The following RTN4R variants were observed in gnomAD, a reference collection of about 807,000 sequenced individuals.
The protein encoded by RTN4R is reticulon-4 receptor.
In RTN4R, 4 loss-of-function variants were observed where a neutral mutation model predicts 27.7. The ratio of observed to expected loss-of-function variants is 0.14; its 90% CI spans 0.07 to 0.33. The LOEUF (loss-of-function observed/expected upper bound fraction) is 0.33, where lower values mean the gene tolerates loss of function less well. Ranked by LOEUF, RTN4R falls within the 10% of genes least tolerant of loss-of-function variation. The pLI is 1.00. For missense variants in RTN4R, 554 were observed against 671.5 expected, an observed-to-expected ratio of 0.83 and a Z score of 1.93; for synonymous variants, 290 against 305.6, an observed-to-expected ratio of 0.95 and a Z score of 0.53.
At chr22:20,249,012 G>C in intron 1 of RTN4R, 3 of 447,340 alleles carry the variant, frequency 6.7e-6, no homozygotes, top group South Asian at 4.7e-5. Context: ...CCCAGTGGAG[G>C]CCTCGCCCAG....
intron 1 of RTN4R, among the ~76,000 whole-genome samples, chr22:20,263,365 C>G (rs1279968112): frequency 6.6e-6 from 1 of 152,208 alleles, no homozygotes; most frequent in Non-Finnish European, 1.5e-5. Flanking sequence ...TGCTGCCCAC[C>G]CCTCTCCAAA....
At position 20,259,874 on chromosome 22, in the gene RTN4R, G is replaced by T. The variant is rs543358442; in HGVS notation, c.22+8197C>A. The stretch of plus-strand genomic sequence containing the variant: ...GGGTAGAGCATGTCAAGAACCTCAA[G>T]GTCCCTGCCGCCCAGCATGGGACTA... On this transcript the variant is annotated intron_variant, in intron 1 of 1. Transcript: ENST00000043402. 1.3e-5 allele frequency among the ~76,000 whole-genome samples: 2 copies of T among 152,310 alleles called. 1 individual carries two copies. The highest frequency in any genetic ancestry group is 4.1e-4 in the South Asian group (2 of 4,830).
At chr22:20,252,773 C>G (rs930631200) in intron 1 of RTN4R, among the ~76,000 whole-genome samples, 4 of 152,112 alleles carry the variant, frequency 2.6e-5, no homozygotes, top group African/African-American at 9.7e-5. Context: ...TGAAAGTGGG[C>G]CCTGGGGTCT....
At chr22:20,244,661 T>C (rs1446988567) in intron 1 of RTN4R, among the ~76,000 whole-genome samples, 2 of 152,114 alleles carry the variant, frequency 1.3e-5, no homozygotes, top group African/African-American at 4.8e-5. Flanking sequence ...TTCTACACAC[T>C]CTTCCTAGGA....
In RTN4R at chr22:20,242,567, C is replaced by T; in HGVS notation, c.566G>A (p.Arg189His). 3 of 1,613,448 alleles carry T rather than the reference C, an allele frequency of 1.9e-6. No individual in the cohort carries two copies. The highest frequency in any genetic ancestry group is 1.1e-5 in the South Asian group (1 of 91,082). ...GGCGCGCTCGGGCACGCTGGAGATG[C>T]GGTTGCCGTGCAGGAAGAGGTGTGT... ...NLTHLFLHGNRISSVPERAFR... is the reference protein window; with the variant it reads ...NLTHLFLHGNHISSVPERAFR... The change falls in exon 2 of 2, where the codon CGC becomes CAC. Residue 189 changes from arginine (R) to histidine (H), a missense_variant. By Grantham distance (29) the Arg-to-His change is conservative (BLOSUM62 0). Around this residue, in one of 2 missense-constraint regions of RTN4R, gnomAD observed 413 missense variants for 542.3 expected, o/e 0.76. Coordinates refer to ENST00000043402, the MANE Select transcript of RTN4R (RefSeq NM_023004.6).
chr22:20,260,635 C>T lies in RTN4R; in HGVS notation c.22+7436G>A, dbSNP rs8140277. Among the ~76,000 whole-genome samples, 877 of 152,284 alleles carry T rather than the reference C, an allele frequency of 5.8e-3. 5 individuals carry two copies. Among genetic ancestry groups the T allele is most frequent in the African/African-American group, 0.019 (804 of 41,552 alleles). ...GGGCTTCTGGGGTAGGGGCCACGCC[C>T]GGGGGCAGGTGGCCCACCCTCCCAA... On this transcript the variant is annotated intron_variant, in intron 1 of 1. Coordinates refer to ENST00000043402, the MANE Select transcript of RTN4R (RefSeq NM_023004.6).
intron 1 of RTN4R, among the ~76,000 whole-genome samples, chr22:20,264,995 T>C (rs1162272450): frequency 6.6e-6 from 1 of 152,220 alleles, no homozygotes; most frequent in Non-Finnish European, 1.5e-5. Flanking sequence ...CCCCGTGTGC[T>C]TCCTGCTCTT....
chr22:20,241,696 T>C lies in RTN4R; in HGVS notation c.*15A>G. The stretch of plus-strand genomic sequence containing the variant: ...CACACCTGGCTGCTGAGCACGCTCT[T>C]GTGTCCGCTGGGGGTCAGCAGGGCC... On this transcript the variant is annotated 3_prime_UTR_variant, in exon 2 of 2. Coordinates refer to ENST00000043402, the MANE Select transcript of RTN4R (RefSeq NM_023004.6). 2 of 1,549,042 alleles carry C rather than the reference T, an allele frequency of 1.3e-6. No individual in the cohort carries two copies. The highest frequency in any genetic ancestry group is 1.7e-6 in the Non-Finnish European group (2 of 1,146,662).
intron 1 of RTN4R, 32 bp downstream of exon 1, chr22:20,268,039 C>T: frequency 7.8e-6 from 9 of 1,151,942 alleles, no homozygotes; most frequent in South Asian, 4.1e-5. Flanking sequence ...GCCCCGCCGC[C>T]GGCCGGGCTC....
At chr22:20,267,011 G>A (rs548555196) in intron 1 of RTN4R, among the ~76,000 whole-genome samples, 15 of 152,378 alleles carry the variant, frequency 9.8e-5, no homozygotes, top group Non-Finnish European at 1.6e-4. Flanking sequence ...GTGGGTGCGG[G>A]AGTGGTTATT....
chr22:20,261,502 G>A (rs913523863), intron 1 of RTN4R, among the ~76,000 whole-genome samples: 1 of 152,326 alleles, frequency 6.6e-6, no homozygotes, highest in South Asian at 2.1e-4. Context: ...CCAGCTTCAC[G>A]ATAGCCACGT....
At chr22:20,243,826 CT>C (rs2051124439) in intron 1 of RTN4R, 1 of 276,228 alleles carries the variant, frequency 3.6e-6, no homozygotes, top group South Asian at 3.4e-5. Context: ...GCCTGCACCC[CT>C]CCCACCCAGA....
rs966927541 is a variant in RTN4R at position 20,264,644 on chromosome 22, G to A, written c.22+3427C>T. Among the ~76,000 whole-genome samples the A allele has an allele frequency of 3.9e-5, 6 of 152,262 alleles. No individual in the cohort carries two copies. In the South Asian group the frequency reaches 6.2e-4, roughly 16 times the overall value. ...AGCATCTGGGATCTGGCTTTGAGGA[G>A]GGTGCCTGTGACCTTGGCCTGGGTG... On this transcript the variant is annotated intron_variant, in intron 1 of 1. Transcript: ENST00000043402.
At chr22:20,248,825 G>A (rs2051158056) in intron 1 of RTN4R, among the ~76,000 whole-genome samples, 1 of 152,194 alleles carries the variant, frequency 6.6e-6, no homozygotes, top group Non-Finnish European at 1.5e-5. Flanking sequence ...CCCCAAGTGG[G>A]CAGGATCCTT....
intron 1 of RTN4R, among the ~76,000 whole-genome samples, chr22:20,265,094 C>T (rs1602653409): frequency 6.6e-6 from 1 of 152,216 alleles, no homozygotes; most frequent in Non-Finnish European, 1.5e-5. Context: ...CTCTGCCTCC[C>T]GCCCGTCCTG....
chr22:20,249,579 C>T (rs562338418), intron 1 of RTN4R, among the ~76,000 whole-genome samples: 7 of 152,292 alleles, frequency 4.6e-5, no homozygotes, highest in African/African-American at 1.2e-4. Flanking sequence ...GGGGTGCACA[C>T]GATAGGCGTG....
chr22:20,259,516 G>A (rs2051232339), intron 1 of RTN4R, among the ~76,000 whole-genome samples: 1 of 152,130 alleles, frequency 6.6e-6, no homozygotes, highest in Non-Finnish European at 1.5e-5. Flanking sequence ...GCCAAGGAGA[G>A]CTCGCCCCGC....
At position 20,268,156 on chromosome 22, in the gene RTN4R, C is replaced by G. The variant is rs2051290588; in HGVS notation, c.-64G>C. Reference sequence around the variant, plus strand: ...GTTTCGGGGCGGGCGCCCGTCTCCCCGCGGCCGGGTCCGCATCCAGGCGCC... The same window carrying G: ...GTTTCGGGGCGGGCGCCCGTCTCCCGGCGGCCGGGTCCGCATCCAGGCGCC... On this transcript the variant is annotated 5_prime_UTR_variant, in exon 1 of 2. Coordinates refer to ENST00000043402, the MANE Select transcript of RTN4R (RefSeq NM_023004.6). 7 of 961,274 alleles carry G rather than the reference C, an allele frequency of 7.3e-6. No homozygotes were observed. The highest frequency in any genetic ancestry group is 9.0e-6 in the Non-Finnish European group (7 of 778,846). 59.5% of individuals were successfully genotyped at this position (961,274 alleles called of 1,614,324 possible). A position where few individuals can be genotyped will look rare whatever the true frequency, so the allele number is the denominator to read the frequency against.
At chr22:20,245,167 G>C (rs946057802) in intron 1 of RTN4R, among the ~76,000 whole-genome samples, 1 of 152,236 alleles carries the variant, frequency 6.6e-6, no homozygotes, top group African/African-American at 2.4e-5. Context: ...GGGAGACAGG[G>C]GAGGACATGG....
Sources: gnomAD v4.1 joint callset for allele counts (sites outside exome capture counted in the v4.1 genomes callset) on GRCh38, gnomAD v4.1.1 for gene constraint, gnomAD v4.1.1 regional missense constraint, MANE v1.5 for transcripts, NCBI Gene and HGNC (gene_info 2026-07-23, HGNC 2026-07-21) for gene names.